NOTCH3: variants seen among roughly 807,000 people sequenced by gnomAD.
NOTCH3 encodes the protein neurogenic locus notch homolog protein 3.
A neutral mutation model predicts 213.3 loss-of-function variants in NOTCH3; 86 were observed. The ratio of observed to expected loss-of-function variants is 0.40; its 90% CI spans 0.34 to 0.48. The LOEUF (loss-of-function observed/expected upper bound fraction) is 0.48. Among genes scored for constraint, NOTCH3 ranks in the 20% least tolerant of loss-of-function variants. The pLI is 0.57. For missense variants in NOTCH3, 2,783 were observed against 3,272.6 expected, an observed-to-expected ratio of 0.85 and a Z score of 3.65; for synonymous variants, 1,354 against 1,355.9, an observed-to-expected ratio of 1.00 and a Z score of 0.03.
At chr19:15,181,886 ATTC>A in intron 16 of NOTCH3, 85 bp from the exon 17 acceptor site, 1 of 1,192,052 alleles carries the variant, frequency 8.4e-7, no homozygotes, top group South Asian at 1.4e-5. Context: ...ATTGAGAAGA[ATTC>A]AGGAGGAAAC....
chr19:15,183,053 C>A (rs2046852907), intron 16 of NOTCH3, among the ~76,000 whole-genome samples: 1 of 151,988 alleles, frequency 6.6e-6, no homozygotes, highest in Admixed American at 6.6e-5. Context: ...GAGTTTGAGA[C>A]CAGCCTAGAC....
At chr19:15,179,958 A>G in intron 20 of NOTCH3, 114 bp downstream of exon 20, 2 of 714,160 alleles carry the variant, frequency 2.8e-6, no homozygotes, top group Non-Finnish European at 4.8e-6. Context: ...TCACAAAAGC[A>G]AAAACTCAGA....
At chr19:15,183,380 C>G (rs1054855829) in intron 16 of NOTCH3, among the ~76,000 whole-genome samples, 5 of 61,300 alleles carry the variant, frequency 8.2e-5, no homozygotes, top group Non-Finnish European at 1.5e-4. Flanking sequence ...TTGGCAGCAC[C>G]CCTTTTTGTT....
In NOTCH3 at chr19:15,185,125, T is replaced by TC. The variant is rs2046870443; in HGVS notation, c.2297-107dup. ...CAGGGTCCCCACCTTGATACCCACC[T>TC]CCCAAGCTCCTGGAGGGAAATGATT... On this transcript the variant is annotated intron_variant, in intron 14 of 32. Coordinates refer to ENST00000263388, the MANE Select transcript of NOTCH3 (RefSeq NM_000435.3). This position sits in a 1 kb window ranked among gnomAD's most constrained non-coding sequence, Gnocchi z 4.2. 1.9e-6 allele frequency: 2 copies of TC among 1,080,876 alleles called. No homozygotes were observed. Among genetic ancestry groups the TC allele is most frequent in the Non-Finnish European group, 2.7e-6 (2 of 754,552 alleles). The allele number at this position is 1,080,876 out of a possible 1,614,324, so 67.0% of individuals were successfully genotyped here.
chr19:15,161,361 C>A lies in NOTCH3; in HGVS notation c.6267G>T (p.Pro2089=). The A allele has an allele frequency of 2.0e-6, 3 of 1,525,432 alleles. No homozygotes were observed. Among genetic ancestry groups the A allele is most frequent in the Middle Eastern group, 3.9e-4 (2 of 5,072 alleles). The allele number at this position is 1,525,432 out of a possible 1,614,324, so 94.5% of individuals were successfully genotyped here. Residue 2089 remains proline (P), a synonymous_variant, in exon 33 of 33, where the codon CCG becomes CCT. Coordinates refer to ENST00000263388, the MANE Select transcript of NOTCH3 (RefSeq NM_000435.3). ...GRGKKLTLAC[P]GPLADSSVTL... ...TGACCGAGCTGTCAGCCAGGGGGCC[C>A]GGGCAGGCCAGCGTCAGCTTCTTGC...
At position 15,162,236 on chromosome 19, in the gene NOTCH3, C is replaced by T. The variant is rs757471; in HGVS notation, c.5913+229G>A. The stretch of plus-strand genomic sequence containing the variant: ...AACTCAAGTAATCCACCCATCTCGA[C>T]CTCCCAAAGTGCTGGGATTATAGGC... On this transcript the variant is annotated intron_variant, in intron 32 of 32. Transcript: ENST00000263388. 0.89 allele frequency: 477,835 copies of T among 538,496 alleles called. 212,821 individuals are homozygous for T. The highest frequency in any genetic ancestry group is 0.97 in the African/African-American group (51,086 of 52,558). 33.4% of individuals were successfully genotyped at this position (538,496 alleles called of 1,614,324 possible).
rs1173190509 is a variant in NOTCH3, at chr19:15,179,411, A to G, written c.3413T>C (p.Ile1138Thr). Residue 1138 changes from isoleucine (I) to threonine (T), a missense_variant, in exon 21 of 33, where the codon ATT (isoleucine) becomes ACT (threonine). Physicochemically the swap from Ile to Thr is moderately conservative, Grantham distance 89. This residue lies in a region of NOTCH3 where 861 missense variants were observed against 909.1 expected (regional missense o/e 0.95). Coordinates refer to ENST00000263388, the MANE Select transcript of NOTCH3 (RefSeq NM_000435.3). ...SQPCQHGGSC[I>T]DLVARYLCSC... is the part of the protein sequence containing the mutation. ...GCAGAGATAGCGGGCCACGAGGTCA[A>G]TGCATGAACCCCCGTGCTGGCAGGG... 2 of 1,613,960 alleles carry G rather than the reference A, an allele frequency of 1.2e-6. No individual in the cohort carries two copies. The highest frequency in any genetic ancestry group is 2.2e-5 in the South Asian group (2 of 91,090).
Position 15,185,623 on chromosome 19 carries a change from C to A in NOTCH3, c.2008G>T (p.Gly670Cys). Residue 670 changes from glycine to cysteine, a missense_variant, in exon 13 of 33, where the codon GGT becomes TGT. Gly to Cys is a radical substitution (Grantham distance 159). This residue lies in a region of NOTCH3 where 861 missense variants were observed against 909.1 expected (regional missense o/e 0.95). Coordinates refer to ENST00000263388, the MANE Select transcript of NOTCH3 (RefSeq NM_000435.3). This position sits in a 1 kb window ranked among gnomAD's most constrained non-coding sequence, Gnocchi z 4.2. ...CCATTTTCCCCATCCACACAGGAACCTCCCTCGCCGCATGGGCTGGAAGCA... is the reference window on the plus strand; with the variant it reads ...CCATTTTCCCCATCCACACAGGAACATCCCTCGCCGCATGGGCTGGAAGCA... ...ECASSPCGEGGSCVDGENGFR... is the reference protein window; with the variant it reads ...ECASSPCGEGCSCVDGENGFR... The A allele has an allele frequency of 6.2e-7, 1 of 1,613,660 alleles. No individual in the cohort carries two copies.
At position 15,165,045 on chromosome 19, in the gene NOTCH3, G is replaced by A. The variant is rs2046674346; in HGVS notation, c.5815+323C>T. On this transcript the variant is annotated intron_variant, in intron 31 of 32. Coordinates refer to ENST00000263388, the MANE Select transcript of NOTCH3 (RefSeq NM_000435.3). The surrounding 1 kb of genome is among the most constrained non-coding windows in gnomAD (Gnocchi z 4.7). The stretch of plus-strand genomic sequence containing the variant: ...TCCTGCCTCAGCCTCCCAAAGTGTT[G>A]GGATCACAGGCATGAGCCACCACAC... Among the ~76,000 whole-genome samples, 1 of 152,126 alleles carries A rather than the reference G, an allele frequency of 6.6e-6. No homozygotes were observed.
chr19:15,185,720 G>A lies in NOTCH3; in HGVS notation c.1952-41C>T. On this transcript the variant is annotated intron_variant, in intron 12 of 32. Coordinates refer to ENST00000263388, the MANE Select transcript of NOTCH3 (RefSeq NM_000435.3). This position sits in a 1 kb window ranked among gnomAD's most constrained non-coding sequence, Gnocchi z 4.2. ...GCAATCTCATCTCAGAACAAAGTCA[G>A]CAGGGACAACCAGGGAGGGACGACG... is the stretch of plus-strand genomic sequence containing the variant. The A allele has an allele frequency of 6.2e-7, 1 of 1,604,892 alleles. No individual in the cohort carries two copies. Among genetic ancestry groups the A allele is most frequent in the Non-Finnish European group, 8.5e-7 (1 of 1,175,250 alleles).
rs563953597 is a variant in NOTCH3, at chr19:15,200,768, G to T, written c.118+20C>A. On this transcript the variant is annotated intron_variant, in intron 1 of 32. Transcript: ENST00000263388. The stretch of plus-strand genomic sequence containing the variant: ...CCCCTCTGCCGCCCTCGTCCCATCC[G>T]CCAGGTCCCGGCCCCTCACCTGCAG... 1.4e-4 allele frequency: 181 copies of T among 1,283,752 alleles called. No homozygotes were observed. The highest frequency in any genetic ancestry group is 1.8e-4 in the Non-Finnish European group (179 of 1,010,552). 79.5% of individuals were successfully genotyped at this position (1,283,752 alleles called of 1,614,324 possible). A position where few individuals can be genotyped will look rare whatever the true frequency, so the allele number is the denominator to read the frequency against.
Position 15,165,653 on chromosome 19 carries a change from C to T in NOTCH3, c.5667+134G>A. On this transcript the variant is annotated intron_variant, in intron 30 of 32. Transcript: ENST00000263388. This position sits in a 1 kb window ranked among gnomAD's most constrained non-coding sequence, Gnocchi z 4.7. The stretch of plus-strand genomic sequence containing the variant: ...TGAGGTTCAGGGAGCAGCTGCTTGA[C>T]AGATACTGTATTCCCATATATCCCC... 1 of 1,152,458 alleles carries T rather than the reference C, an allele frequency of 8.7e-7. No homozygotes were observed. The highest frequency in any genetic ancestry group is 3.3e-5 in the East Asian group (1 of 30,598). The allele number at this position is 1,152,458 out of a possible 1,614,324, so 71.4% of individuals were successfully genotyped here.
chr19:15,173,695 C>T (rs2046758888), intron 25 of NOTCH3, among the ~76,000 whole-genome samples: 1 of 139,048 alleles, frequency 7.2e-6, no homozygotes, highest in Non-Finnish European at 1.6e-5. Flanking sequence ...CGCCACTGCA[C>T]TCCAGCCTGG....
chr19:15,170,875 A>T (rs373782647), intron 25 of NOTCH3, 50 bp from the exon 26 acceptor site: 1 of 1,591,418 alleles, frequency 6.3e-7, no homozygotes, highest in Non-Finnish European at 8.6e-7. Flanking sequence ...TGCCCGATGC[A>T]CCCCCTGGTA....
chr19:15,169,287 T>G (rs2145397912), intron 28 of NOTCH3, among the ~76,000 whole-genome samples: 1 of 152,174 alleles, frequency 6.6e-6, no homozygotes, highest in Non-Finnish European at 1.5e-5. Context: ...GGCGGCCATC[T>G]GCACACCAGG....
chr19:15,173,784 G>GAGAAGGAGAAGA (rs1568351816), intron 25 of NOTCH3, among the ~76,000 whole-genome samples: 2 of 146,548 alleles, frequency 1.4e-5, no homozygotes, highest in African/African-American at 2.6e-5. Flanking sequence ...GAAGGAGAAG[G>GAGAAGGAGAAGA]AGAAGAAGAA....
rs1415183565 is a variant in NOTCH3 at position 15,177,534 on chromosome 19, C to T, written c.4394G>A (p.Arg1465His). ...NFDCHAGGRE[R>H]TCNPVYEKYC... is the part of the protein sequence containing the mutation. ...GGGTGGATGGGCTCACTTGCAAGTGCGCTCGCGGCCACCGGCGTGGCAGTC... is the reference window on the plus strand; with the variant it reads ...GGGTGGATGGGCTCACTTGCAAGTGTGCTCGCGGCCACCGGCGTGGCAGTC... Residue 1465 changes from arginine to histidine, a missense_variant, in exon 24 of 33, where the codon CGC (arginine) becomes CAC (histidine). This residue lies in a region of NOTCH3 where 636 missense variants were observed against 801.8 expected (regional missense o/e 0.79). Coordinates refer to ENST00000263388, the MANE Select transcript of NOTCH3 (RefSeq NM_000435.3). 1.2e-6 allele frequency: 2 copies of T among 1,609,566 alleles called. No homozygotes were observed. Among genetic ancestry groups the T allele is most frequent in the Non-Finnish European group, 1.7e-6 (2 of 1,178,522 alleles).
At position 15,185,578 on chromosome 19, in the gene NOTCH3, G is replaced by T. The variant is rs774900511; in HGVS notation, c.2053C>A (p.Pro685Thr). 2.6e-5 allele frequency: 42 copies of T among 1,613,576 alleles called. No homozygotes were observed. In the Admixed American group the frequency reaches 4.8e-4, roughly 19 times the overall value. The change falls in exon 13 of 33, where the codon CCT becomes ACT. Residue 685 changes from proline (P) to threonine (T), a missense_variant. Around this residue, in one of 6 missense-constraint regions of NOTCH3, gnomAD observed 861 missense variants for 909.1 expected, o/e 0.95. Coordinates refer to ENST00000263388, the MANE Select transcript of NOTCH3 (RefSeq NM_000435.3). This position sits in a 1 kb window ranked among gnomAD's most constrained non-coding sequence, Gnocchi z 4.2. ...AGGCAGAGTGGGGGCAAGGAGCCAG[G>T]CGGGCAGAGGCAGCGGAAGCCATTT... ...GENGFRCLCP[P>T]GSLPPLCLPP...
chr19:15,167,016 C>T (rs2046691682), intron 29 of NOTCH3, among the ~76,000 whole-genome samples: 1 of 152,192 alleles, frequency 6.6e-6, no homozygotes, highest in Non-Finnish European at 1.5e-5. Flanking sequence ...AAAACTGAGT[C>T]CTGGATCCAA....
Sources: allele counts gnomAD v4.1 joint callset (sites outside exome capture counted in the v4.1 genomes callset), GRCh38; gene constraint gnomAD v4.1.1; regional missense constraint gnomAD v4.1.1; non-coding constraint Gnocchi (gnomAD v3.1); transcripts MANE v1.5; gene names NCBI Gene and HGNC (gene_info 2026-07-23, HGNC 2026-07-21).